Variants in INSL6 observed in about 807,000 individuals in gnomAD.
INSL6 encodes the protein insulin-like peptide INSL6.
A neutral mutation model predicts 9.4 loss-of-function variants in INSL6; 16 were observed. That is an observed-to-expected ratio of 1.70 (90% confidence interval 1.15 to 2.59). The LOEUF is 2.59. Ranked by LOEUF, INSL6 falls within the 30% of genes most tolerant of loss-of-function variation. INSL6 has a pLI of 0.00. For synonymous variants in INSL6, 154 were observed against 96.9 expected (o/e 1.59, Z -3.46); for missense variants, 391 against 257.3 (o/e 1.52, Z -3.56).
chr9:5,047,415 G>A, the INSL6 span, among the ~76,000 whole-genome samples: 1 of 152,026 alleles, frequency 6.6e-6, no homozygotes. Flanking sequence ...GTTTCCTCTG[G>A]GAATTAATTG....
chr9:5,175,142 G>T (rs556008180), intron 1 of INSL6, among the ~76,000 whole-genome samples: 3 of 151,976 alleles, frequency 2.0e-5, no homozygotes, highest in Admixed American at 2.0e-4. Flanking sequence ...GGGTTTCAAC[G>T]TGTTAGCCAG....
chr9:5,145,296 C>T (rs1288725697), intron 2 of INSL6, among the ~76,000 whole-genome samples: 1 of 152,000 alleles, frequency 6.6e-6, no homozygotes, highest in East Asian at 1.9e-4. Flanking sequence ...CCTATCTCTT[C>T]TGGCTTGGAG....
the INSL6 span, chr9:5,097,294 G>GTAACCTCAAC: frequency 6.6e-6 from 1 of 152,046 alleles, no homozygotes; most frequent in Non-Finnish European, 1.5e-5. Flanking sequence ...TTAACTGACC[G>GTAACCTCAAC]TAACCTCAAC....
intron 1 of INSL6, among the ~76,000 whole-genome samples, chr9:5,182,624 G>A (rs1463397045): frequency 6.6e-6 from 1 of 152,022 alleles, no homozygotes; most frequent in Non-Finnish European, 1.5e-5. Context: ...CAGACTAGTT[G>A]TGATGATATC....
the INSL6 span, among the ~76,000 whole-genome samples, chr9:5,025,590 G>A: frequency 6.7e-6 from 1 of 149,494 alleles, no homozygotes; most frequent in Non-Finnish European, 1.5e-5. Context: ...CTGGAGTGCA[G>A]CAGCATGATT....
chr9:5,131,820 A>G (rs1461968488), intron 3 of INSL6, among the ~76,000 whole-genome samples: 3 of 152,306 alleles, frequency 2.0e-5, no homozygotes, highest in East Asian at 3.9e-4. Context: ...CTAAACGACA[A>G]TAATTGGATT....
chr9:5,085,640 C>A, the INSL6 span: 1 of 720,276 alleles, frequency 1.4e-6, no homozygotes, highest in Non-Finnish European at 2.6e-6. Flanking sequence ...TTCTTTTCAC[C>A]CCAGATCTTG....
chr9:5,123,996 G>A (rs536563729), exon 4 of INSL6, among the ~76,000 whole-genome samples: 13 of 151,406 alleles, frequency 8.6e-5, no homozygotes, highest in African/African-American at 3.1e-4. Context: ...CCTCTTGTCA[G>A]TTTGGGTGTC....
the INSL6 span, among the ~76,000 whole-genome samples, chr9:5,045,519 C>T: frequency 1.4e-4 from 22 of 152,168 alleles, no homozygotes; most frequent in Admixed American, 1.3e-4. Context: ...ATCTCCAGAA[C>T]ATTTTTCATC....
the INSL6 span, among the ~76,000 whole-genome samples, chr9:5,063,616 G>C: frequency 6.6e-6 from 1 of 152,030 alleles, no homozygotes; most frequent in African/African-American, 2.4e-5. Flanking sequence ...AATTTAGAGA[G>C]GATTTTTACA....
chr9:5,069,182 C>G, the INSL6 span: 2 of 1,607,418 alleles, frequency 1.2e-6, no homozygotes, highest in Non-Finnish European at 1.7e-6. Flanking sequence ...TTCCAGTTTA[C>G]TAAATGCTGT....
At chr9:5,168,690 TAGCA>T (rs111786897) in intron 1 of INSL6, among the ~76,000 whole-genome samples, 4,025 of 152,166 alleles carry the variant, frequency 0.026, 163 homozygotes, top group African/African-American at 0.086. Context: ...TTCCCCAAAT[TAGCA>T]AGACAGGCCA....
the INSL6 span, among the ~76,000 whole-genome samples, chr9:4,999,833 C>G: frequency 4.6e-5 from 7 of 152,062 alleles, no homozygotes; most frequent in Admixed American, 6.5e-5. Context: ...TAATTTTTTC[C>G]CAATATTTAG....
chr9:5,130,726 ATTTTT>A (rs1246526505), intron 3 of INSL6, among the ~76,000 whole-genome samples: 1 of 145,342 alleles, frequency 6.9e-6, no homozygotes, highest in African/African-American at 2.5e-5. Context: ...TTTATTTTTT[ATTTTT>A]TTTTTTATTT....
the INSL6 span, among the ~76,000 whole-genome samples, chr9:5,011,059 G>A: frequency 6.6e-6 from 1 of 152,120 alleles, no homozygotes; most frequent in Admixed American, 6.5e-5. Context: ...TTTGTCTTTG[G>A]TTTTTAGCAG....
intron 1 of INSL6, among the ~76,000 whole-genome samples, chr9:5,172,551 A>C (rs939848122): frequency 1.3e-4 from 20 of 152,236 alleles, no homozygotes; most frequent in Non-Finnish European, 1.0e-4. Context: ...AAATTTTTGC[A>C]ATCTATCCAT....
chr9:5,077,387 T>G, the INSL6 span: 1 of 566,072 alleles, frequency 1.8e-6, no homozygotes. Flanking sequence ...TATAAAGATT[T>G]AAATTACATA....
the INSL6 span, chr9:5,055,669 G>C: frequency 6.4e-7 from 1 of 1,562,064 alleles, no homozygotes; most frequent in Middle Eastern, 1.7e-4. Context: ...TTAATTATAG[G>C]ATTTACAGTT....
At chr9:5,112,839 G>T in the INSL6 span, 1 of 559,056 alleles carries the variant, frequency 1.8e-6, no homozygotes, top group Non-Finnish European at 2.8e-6. Flanking sequence ...AACCCCGCTG[G>T]GCACGTGTGA....
Sources: allele counts gnomAD v4.1 joint callset (sites outside exome capture counted in the v4.1 genomes callset), GRCh38; gene constraint gnomAD v4.1.1; transcripts MANE v1.5; gene names NCBI Gene and HGNC (gene_info 2026-07-23, HGNC 2026-07-21).